MITF: variants seen among roughly 807,000 people sequenced by gnomAD.
MITF encodes the protein melanocyte inducing transcription factor.
MITF carries 17 observed loss-of-function variants against 60.5 expected under a neutral mutation model. The observed-to-expected ratio is 0.28, with a 90% confidence interval of 0.19 to 0.42. The LOEUF is 0.42. Among genes scored for constraint, MITF ranks in the 10% least tolerant of loss-of-function variants. The pLI is 1.00. For missense variants in MITF, 622 were observed against 683.5 expected (o/e 0.91, Z 1.00); for synonymous variants, 260 against 248.5 (o/e 1.05, Z -0.43).
chr3:69,961,207 G>T (rs867831923), intron 9 of MITF, among the ~76,000 whole-genome samples: 1 of 146,536 alleles, frequency 6.8e-6, no homozygotes, highest in Admixed American at 6.8e-5. Context: ...AGATGTTGAA[G>T]CCCCATCTCT....
chr3:69,836,441 C>A (rs150331782), intron 1 of MITF, among the ~76,000 whole-genome samples: 2 of 152,220 alleles, frequency 1.3e-5, no homozygotes, highest in African/African-American at 4.8e-5. Flanking sequence ...AACCAGATGT[C>A]TGGTAGGTTT....
chr3:69,859,168 A>G (rs2063969284), intron 1 of MITF, among the ~76,000 whole-genome samples: 1 of 152,150 alleles, frequency 6.6e-6, no homozygotes, highest in Non-Finnish European at 1.5e-5. Context: ...TGCCATGTTT[A>G]TATCCATAGG....
intron 2 of MITF, among the ~76,000 whole-genome samples, chr3:69,924,613 C>T (rs2065544956): frequency 6.6e-6 from 1 of 152,224 alleles, no homozygotes; most frequent in South Asian, 2.1e-4. Context: ...TCGGCTCATC[C>T]TGTTTCACGG....
At position 69,789,700 on chromosome 3, in the gene MITF, A is replaced by T. The variant is rs2062708024; in HGVS notation, c.104+49999A>T. On this transcript the variant is annotated intron_variant, in intron 1 of 9. Transcript: ENST00000352241. ...GCAAAACCCTATCTCTACTAAAAAT[A>T]AAAAATTTAGCTGGGCGTGGTGGCA... Among the ~76,000 whole-genome samples, 4 of 152,162 alleles carry T rather than the reference A, an allele frequency of 2.6e-5. No homozygotes were observed. In the South Asian group the frequency reaches 6.2e-4, roughly 24 times the overall value.
chr3:69,918,898 G>A (rs1446105622), intron 2 of MITF, among the ~76,000 whole-genome samples: 1 of 152,146 alleles, frequency 6.6e-6, no homozygotes, highest in Non-Finnish European at 1.5e-5. Context: ...GGCATGGCTT[G>A]TTGTTAAGTA....
At chr3:69,791,887 C>T (rs147460681) in intron 1 of MITF, among the ~76,000 whole-genome samples, 141 of 152,306 alleles carry the variant, frequency 9.3e-4, no homozygotes, top group African/African-American at 3.3e-3. Flanking sequence ...CAGTTTCATG[C>T]TTTGAATAAT....
chr3:69,901,007 C>T (rs1487732409), intron 2 of MITF, among the ~76,000 whole-genome samples: 1 of 151,252 alleles, frequency 6.6e-6, no homozygotes, highest in East Asian at 1.9e-4. Context: ...AAAAACAAAA[C>T]AAAACAAAAA....
In MITF at chr3:69,763,693, G is replaced by T. The variant is rs72950037; in HGVS notation, c.104+23992G>T. ...CCGCCAAAGGGCCAAGGCAGCCCTG[G>T]TGAGTGTTTTCAGCTCTCTTCTGTA... is the stretch of plus-strand genomic sequence containing the variant. On this transcript the variant is annotated intron_variant, in intron 1 of 9. Transcript: ENST00000352241. The T allele has an allele frequency of 1.7e-3, 2,271 of 1,298,072 alleles. 36 individuals carry two copies. The African/African-American group carries it at 0.032, about 18-fold the overall frequency. 80.4% of individuals were successfully genotyped at this position (1,298,072 alleles called of 1,614,324 possible).
chr3:69,921,707 A>G (rs1321362398), intron 2 of MITF, among the ~76,000 whole-genome samples: 1 of 152,210 alleles, frequency 6.6e-6, no homozygotes, highest in African/African-American at 2.4e-5. Flanking sequence ...AAGCATGTCA[A>G]TAGTTCATGA....
intron 1 of MITF, among the ~76,000 whole-genome samples, chr3:69,839,520 C>T (rs145450585): frequency 2.5e-4 from 38 of 150,630 alleles, no homozygotes; most frequent in African/African-American, 7.6e-4. Flanking sequence ...TAATGAATAA[C>T]GGAATTTTGA....
chr3:69,862,994 G>C (rs571122291), intron 1 of MITF, among the ~76,000 whole-genome samples: 25 of 149,828 alleles, frequency 1.7e-4, no homozygotes, highest in African/African-American at 5.1e-4. Flanking sequence ...CTTTCCCTCT[G>C]TGTGTGTGTG....
chr3:69,920,872 G>A (rs2065451214), intron 2 of MITF, among the ~76,000 whole-genome samples: 1 of 152,072 alleles, frequency 6.6e-6, no homozygotes, highest in East Asian at 1.9e-4. Context: ...CGACCCTGTG[G>A]GGCTGGTCCC....
intron 2 of MITF, among the ~76,000 whole-genome samples, chr3:69,911,092 G>A (rs373060341): frequency 7.2e-5 from 11 of 152,168 alleles, no homozygotes; most frequent in South Asian, 2.1e-4. Context: ...TCTTTCCCGT[G>A]CTATTCTCAT....
At chr3:69,962,739 CAGAA>C (rs979265032) in intron 9 of MITF, among the ~76,000 whole-genome samples, 9 of 152,062 alleles carry the variant, frequency 5.9e-5, no homozygotes, top group Non-Finnish European at 1.3e-4. Flanking sequence ...GGGATACACT[CAGAA>C]AGGAAAAAGG....
intron 9 of MITF, among the ~76,000 whole-genome samples, chr3:69,962,821 A>G (rs1213534415): frequency 7.9e-5 from 12 of 152,194 alleles, no homozygotes; most frequent in East Asian, 1.9e-4. Context: ...TAGGAAGTGT[A>G]TTACCCAGCT....
chr3:69,819,425 T>C (rs1257514401), intron 1 of MITF, among the ~76,000 whole-genome samples: 1 of 152,224 alleles, frequency 6.6e-6, no homozygotes, highest in African/African-American at 2.4e-5. Context: ...TGTCTGGTTC[T>C]GGAAGCTAGT....
At chr3:69,765,491 C>A (rs905272395) in intron 1 of MITF, among the ~76,000 whole-genome samples, 1 of 151,928 alleles carries the variant, frequency 6.6e-6, no homozygotes, top group African/African-American at 2.4e-5. Context: ...TTTTTTTTGA[C>A]AAAATTGTTT....
intron 1 of MITF, among the ~76,000 whole-genome samples, chr3:69,803,670 A>G (rs1272125791): frequency 2.6e-5 from 4 of 152,256 alleles, no homozygotes; most frequent in African/African-American, 9.6e-5. Flanking sequence ...AATGACAGAA[A>G]ACAGGCACAT....
At chr3:69,827,631 GCA>G (rs1401845592) in intron 1 of MITF, among the ~76,000 whole-genome samples, 1 of 152,158 alleles carries the variant, frequency 6.6e-6, no homozygotes, top group African/African-American at 2.4e-5. Flanking sequence ...AAGGGACTTG[GCA>G]CAGAGTCCCT....
Sources: allele counts gnomAD v4.1 joint callset (sites outside exome capture counted in the v4.1 genomes callset), GRCh38; gene constraint gnomAD v4.1.1; transcripts MANE v1.5; gene names NCBI Gene and HGNC (gene_info 2026-07-23, HGNC 2026-07-21).